PPFIA2: variants seen among roughly 807,000 people sequenced by gnomAD.
PPFIA2 encodes the protein PPFI scaffold protein A2.
PPFIA2 carries 46 observed loss-of-function variants against 175.5 expected under a neutral mutation model. That is an observed-to-expected ratio of 0.26 (90% CI 0.21 to 0.34). The LOEUF is 0.34. Ranked by LOEUF, PPFIA2 falls within the 10% of genes least tolerant of loss-of-function variation. The pLI, the probability that PPFIA2 is intolerant of heterozygous loss-of-function variation, is 1.00. For missense variants in PPFIA2, 1,179 were observed against 1,506.1 expected, an observed-to-expected ratio of 0.78 and a Z score of 3.60; for synonymous variants, 568 against 511.4, an observed-to-expected ratio of 1.11 and a Z score of -1.49.
chr12:81,515,065 G>A (rs180723671), intron 4 of PPFIA2, among the ~76,000 whole-genome samples: 64 of 151,966 alleles, frequency 4.2e-4, no homozygotes, highest in African/African-American at 1.2e-3. Flanking sequence ...TGGCATTGCC[G>A]TGAATTTTAT....
intron 5 of PPFIA2, among the ~76,000 whole-genome samples, chr12:81,456,017 T>A (rs2053518263): frequency 1.3e-5 from 2 of 152,184 alleles, no homozygotes; most frequent in Non-Finnish European, 2.9e-5. Flanking sequence ...GCATTTTAAA[T>A]GTGAGCATTA....
At chr12:81,586,242 A>G (rs1040465519) in intron 4 of PPFIA2, among the ~76,000 whole-genome samples, 2 of 151,946 alleles carry the variant, frequency 1.3e-5, no homozygotes, top group Non-Finnish European at 2.9e-5. Context: ...TTTACGATAC[A>G]ATAATTAGGT....
intron 4 of PPFIA2, among the ~76,000 whole-genome samples, chr12:81,645,594 A>G (rs1179790349): frequency 6.6e-6 from 1 of 152,256 alleles, no homozygotes; most frequent in Non-Finnish European, 1.5e-5. Context: ...TTTCTTAAAC[A>G]TTCAGAAAGC....
intron 7 of PPFIA2, among the ~76,000 whole-genome samples, chr12:81,416,045 T>C (rs2045191279): frequency 6.6e-6 from 1 of 151,580 alleles, no homozygotes; most frequent in African/African-American, 2.4e-5. Context: ...CTACAGAATA[T>C]ACAAAACAAT....
At chr12:81,339,993 A>G (rs1347370710) in intron 20 of PPFIA2, among the ~76,000 whole-genome samples, 1 of 152,118 alleles carries the variant, frequency 6.6e-6, no homozygotes, top group Admixed American at 6.6e-5. Context: ...TATGGTCAAT[A>G]TATTTGACAC....
chr12:81,292,648 T>C (rs2045350639), intron 24 of PPFIA2: 1 of 152,138 alleles, frequency 6.6e-6, no homozygotes, highest in South Asian at 2.1e-4. Context: ...TTATCAACTA[T>C]TTGTGTTATC....
intron 19 of PPFIA2, among the ~76,000 whole-genome samples, chr12:81,342,222 A>T (rs2058229024): frequency 6.6e-6 from 1 of 152,056 alleles, no homozygotes; most frequent in Non-Finnish European, 1.5e-5. Context: ...TCCAATGTCA[A>T]GTTAATTGTA....
intron 3 of PPFIA2, among the ~76,000 whole-genome samples, chr12:81,716,608 T>C (rs1281675767): frequency 6.6e-6 from 1 of 151,198 alleles, no homozygotes; most frequent in Non-Finnish European, 1.5e-5. Context: ...CTTCACACTG[T>C]CGGTGGAAAA....
At chr12:81,357,989 G>A in intron 16 of PPFIA2, 93 bp downstream of exon 16, 1 of 1,226,198 alleles carries the variant, frequency 8.2e-7, no homozygotes. Flanking sequence ...AAAAATGCTA[G>A]CATTTTCTAA....
chr12:81,643,745 T>C (rs2065675857), intron 4 of PPFIA2, among the ~76,000 whole-genome samples: 1 of 151,988 alleles, frequency 6.6e-6, no homozygotes, highest in Non-Finnish European at 1.5e-5. Context: ...AATATATAAT[T>C]TCATTATAAA....
At chr12:81,607,408 A>T (rs2060443905) in intron 4 of PPFIA2, among the ~76,000 whole-genome samples, 1 of 152,068 alleles carries the variant, frequency 6.6e-6, no homozygotes. Context: ...CATTTTAATG[A>T]TATTGGTCCT....
rs1555660590 is a variant in PPFIA2 at position 81,745,940 on chromosome 12, A to AT, written c.249+8032_249+8033insA. 1.5e-3 allele frequency among the ~76,000 whole-genome samples: 225 copies of AT among 146,470 alleles called. 5 individuals carry two copies. Among genetic ancestry groups the AT allele is most frequent in the South Asian group, 3.7e-3 (17 of 4,552 alleles). On this transcript the variant is annotated intron_variant, in intron 3 of 32. Coordinates refer to ENST00000549396, the MANE Select transcript of PPFIA2 (RefSeq NM_003625.5). ...CATGGAGTGGTAGACTATGTACAAC[A>AT]AACAAACAGCTTTCCAAAACAAAAG...
chr12:81,666,307 C>A (rs549994040), intron 4 of PPFIA2, among the ~76,000 whole-genome samples: 1 of 152,318 alleles, frequency 6.6e-6, no homozygotes, highest in South Asian at 2.1e-4. Flanking sequence ...AAGACACATG[C>A]ACATGCATGT....
intron 4 of PPFIA2, among the ~76,000 whole-genome samples, chr12:81,589,291 T>C (rs1595351657): frequency 6.6e-6 from 1 of 152,202 alleles, no homozygotes; most frequent in Non-Finnish European, 1.5e-5. Context: ...TACTCATTGA[T>C]TTCTATGGTT....
chr12:81,325,076 GAGA>G (rs910955700), intron 22 of PPFIA2, among the ~76,000 whole-genome samples: 2 of 151,930 alleles, frequency 1.3e-5, no homozygotes, highest in Admixed American at 1.3e-4. Context: ...AGGAATATTT[GAGA>G]AGAAGGAAAA....
At chr12:81,642,712 A>ATATATTATATACATACG (rs2065276753) in intron 4 of PPFIA2, among the ~76,000 whole-genome samples, 1 of 91,486 alleles carries the variant, frequency 1.1e-5, no homozygotes, top group Non-Finnish European at 2.4e-5. Context: ...ATATGTATGT[A>ATATATTATATACATACG]TGTATTATAT....
intron 7 of PPFIA2, among the ~76,000 whole-genome samples, chr12:81,406,124 G>A (rs941802077): frequency 3.3e-5 from 5 of 152,038 alleles, no homozygotes; most frequent in Non-Finnish European, 7.4e-5. Flanking sequence ...ACTAAGAAGA[G>A]GTTAAAGCAC....
intron 7 of PPFIA2, among the ~76,000 whole-genome samples, chr12:81,420,852 A>C (rs2046114037): frequency 6.6e-6 from 1 of 151,960 alleles, no homozygotes; most frequent in Non-Finnish European, 1.5e-5. Flanking sequence ...ACCCCAAAAC[A>C]CTGCACCGAG....
intron 4 of PPFIA2, among the ~76,000 whole-genome samples, chr12:81,607,128 G>T (rs867940780): frequency 6.6e-6 from 1 of 151,896 alleles, no homozygotes; most frequent in Non-Finnish European, 1.5e-5. Context: ...GTTGTAGGTG[G>T]TATCTTTATT....
Sources: allele counts gnomAD v4.1 joint callset (sites outside exome capture counted in the v4.1 genomes callset), GRCh38; gene constraint gnomAD v4.1.1; transcripts MANE v1.5; gene names NCBI Gene and HGNC (gene_info 2026-07-23, HGNC 2026-07-21).